The following R3HDM2 variants were observed in gnomAD, a reference collection of about 807,000 sequenced individuals.
The protein encoded by R3HDM2 is R3H domain containing 2, also known as R3H domain-containing protein 2.
A neutral mutation model predicts 124.5 loss-of-function variants in R3HDM2; 38 were observed. That is an observed-to-expected ratio of 0.31 (90% CI 0.24 to 0.40). R3HDM2 has a LOEUF of 0.40. R3HDM2 is among the 10% of genes least tolerant of loss of function. The pLI is 1.00. For missense variants in R3HDM2, 869 were observed against 1,236.9 expected (o/e 0.70, Z 4.46); for synonymous variants, 391 against 448.0 (o/e 0.87, Z 1.61).
rs972662854 is a variant in R3HDM2 at position 57,364,369 on chromosome 12, C to T, written c.-36+31380G>A. 5.3e-5 allele frequency among the ~76,000 whole-genome samples: 8 copies of T among 152,122 alleles called. No homozygotes were observed. The South Asian group carries it at 1.7e-3, about 32-fold the overall frequency. ...TTCACCACATTGGCCAGGCTGGTGT[C>T]AAACTCCTGACCTGAGGTGATCTGC... On this transcript the variant is annotated intron_variant, in intron 2 of 23. Coordinates refer to ENST00000402412, the MANE Select transcript of R3HDM2 (RefSeq NM_001394031.1).
chr12:57,385,423 T>C (rs1332841243), intron 2 of R3HDM2, among the ~76,000 whole-genome samples: 1 of 151,570 alleles, frequency 6.6e-6, no homozygotes, highest in Non-Finnish European at 1.5e-5. Context: ...TTTGTATTTT[T>C]AGTAGAGAGG....
chr12:57,392,656 C>T (rs2066876095), intron 2 of R3HDM2, among the ~76,000 whole-genome samples: 1 of 152,058 alleles, frequency 6.6e-6, no homozygotes, highest in Non-Finnish European at 1.5e-5. Flanking sequence ...TGCAATGGCG[C>T]GATCTCGGCT....
At chr12:57,294,620 T>A (rs1401616262) in intron 10 of R3HDM2, among the ~76,000 whole-genome samples, 9 of 152,172 alleles carry the variant, frequency 5.9e-5, no homozygotes, top group Non-Finnish European at 1.2e-4. Flanking sequence ...ATGTAGGCTC[T>A]ACTCAACCAC....
chr12:57,386,455 G>A (rs1285781004), intron 2 of R3HDM2, among the ~76,000 whole-genome samples: 2 of 152,252 alleles, frequency 1.3e-5, no homozygotes, highest in Admixed American at 1.3e-4. Flanking sequence ...TAGCACCTGG[G>A]CAAGCAGCTG....
chr12:57,299,516 T>C, intron 5 of R3HDM2, 38 bp from the exon 6 acceptor site: 1 of 1,526,194 alleles, frequency 6.6e-7, no homozygotes, highest in Non-Finnish European at 8.9e-7. Flanking sequence ...GGGAAAAAGA[T>C]TTTAACTTTC....
At position 57,256,488 on chromosome 12, in the gene R3HDM2, C is replaced by A. The variant is rs1202123808; in HGVS notation, c.2473G>T (p.Gly825Cys). ...AQGDGRYSLL[G>C]QPLQYNLSIC... is the part of the protein sequence containing the mutation. ...GACAGATTGTACTGTAATGGCTGGC[C>A]CAAAAGGGAGTAGCGCCCATCACCT... The change falls in exon 22 of 24, where the codon GGC (glycine) becomes TGC (cysteine). Residue 825 changes from glycine (G) to cysteine (C), a missense_variant. Physicochemically the swap from Gly to Cys is radical, Grantham distance 159. This residue lies in a region of R3HDM2 where 602 missense variants were observed against 789.2 expected (regional missense o/e 0.76). Transcript: ENST00000402412. 1.3e-6 allele frequency: 2 copies of A among 1,590,820 alleles called. No homozygotes were observed. The highest frequency in any genetic ancestry group is 1.7e-6 in the Non-Finnish European group (2 of 1,168,516).
intron 1 of R3HDM2, among the ~76,000 whole-genome samples, chr12:57,414,004 C>A (rs1403892017): frequency 2.0e-5 from 3 of 150,614 alleles, no homozygotes; most frequent in South Asian, 2.1e-4. Flanking sequence ...CACCACCATA[C>A]CCAGCTAAAT....
At chr12:57,310,631 C>A (rs11172154) in intron 2 of R3HDM2, among the ~76,000 whole-genome samples, 168 bp from the exon 3 acceptor site, 1 of 151,418 alleles carries the variant, frequency 6.6e-6, no homozygotes, top group Non-Finnish European at 1.5e-5. Context: ...AAAAAAAAAA[C>A]TTTATTGAGG....
chr12:57,395,072 T>C (rs1358832716), intron 2 of R3HDM2, among the ~76,000 whole-genome samples: 1 of 151,538 alleles, frequency 6.6e-6, no homozygotes, highest in Admixed American at 6.6e-5. Flanking sequence ...TAGCTGGGCA[T>C]GGTGGTGGGC....
At chr12:57,427,218 G>A (rs1402141022) in intron 1 of R3HDM2, among the ~76,000 whole-genome samples, 3 of 151,874 alleles carry the variant, frequency 2.0e-5, no homozygotes, top group Middle Eastern at 3.2e-3. Context: ...TTGAACCCGG[G>A]AGGTGGAGGT....
chr12:57,426,383 C>G (rs1010996676), intron 1 of R3HDM2, among the ~76,000 whole-genome samples: 5 of 152,160 alleles, frequency 3.3e-5, no homozygotes, highest in African/African-American at 4.8e-5. Flanking sequence ...ATCAAGTGTT[C>G]TCTAGAACTG....
In R3HDM2 at chr12:57,296,272, C is replaced by T. The variant is rs898163098; in HGVS notation, c.701+139G>A. 4.5e-5 allele frequency: 43 copies of T among 950,868 alleles called. No individual in the cohort carries two copies. The South Asian group carries it at 7.0e-4, about 16-fold the overall frequency. 58.9% of individuals were successfully genotyped at this position (950,868 alleles called of 1,614,324 possible). On this transcript the variant is annotated intron_variant, in intron 9 of 23. Transcript: ENST00000402412. This position sits in a 1 kb window ranked among gnomAD's most constrained non-coding sequence, Gnocchi z 4.5. The stretch of plus-strand genomic sequence containing the variant: ...GCTTCAAGCAGTCTTCCCATCTTGG[C>T]CTCCCAAAGTGCTGGGATTACAGGT...
At chr12:57,276,748 G>A (rs1309467650) in intron 14 of R3HDM2, among the ~76,000 whole-genome samples, 1 of 152,044 alleles carries the variant, frequency 6.6e-6, no homozygotes, top group Non-Finnish European at 1.5e-5. Flanking sequence ...TTAGCTGGGC[G>A]TGGTGGTGCG....
chr12:57,304,494 A>G, intron 3 of R3HDM2: 1 of 983,314 alleles, frequency 1.0e-6, no homozygotes, highest in Non-Finnish European at 1.2e-6. Flanking sequence ...TGGGTAGGTG[A>G]GGATTTCTCT....
At chr12:57,339,951 A>G (rs1450251977) in intron 2 of R3HDM2, among the ~76,000 whole-genome samples, 1 of 152,166 alleles carries the variant, frequency 6.6e-6, no homozygotes, top group Admixed American at 6.6e-5. Flanking sequence ...AAAAGTAGGG[A>G]GAAAAGGGGA....
intron 2 of R3HDM2, among the ~76,000 whole-genome samples, chr12:57,388,650 G>A (rs562630638): frequency 1.4e-3 from 212 of 152,218 alleles, no homozygotes; most frequent in African/African-American, 4.9e-3. Flanking sequence ...AGTTATTTGC[G>A]CAGGAGGGCT....
intron 3 of R3HDM2, among the ~76,000 whole-genome samples, chr12:57,303,501 T>C (rs1327411553): frequency 6.6e-6 from 1 of 150,628 alleles, no homozygotes; most frequent in African/African-American, 2.5e-5. Flanking sequence ...CCCAGCACTT[T>C]GGGAGGCCGA....
At chr12:57,341,291 CA>C in intron 2 of R3HDM2, 1 of 586,984 alleles carries the variant, frequency 1.7e-6, no homozygotes, top group Non-Finnish European at 2.1e-6. Flanking sequence ...AGGAAACAAA[CA>C]AAATTATAGC....
intron 1 of R3HDM2, among the ~76,000 whole-genome samples, chr12:57,410,339 A>G (rs992835858): frequency 4.0e-5 from 6 of 151,672 alleles, no homozygotes; most frequent in African/African-American, 1.5e-4. Context: ...AAAAAAAAAA[A>G]AAACTTCACA....
Sources: gnomAD v4.1 joint callset for allele counts (sites outside exome capture counted in the v4.1 genomes callset) on GRCh38, gnomAD v4.1.1 for gene constraint, gnomAD v4.1.1 regional missense constraint, Gnocchi (gnomAD v3.1) non-coding constraint, MANE v1.5 for transcripts, NCBI Gene and HGNC (gene_info 2026-07-23, HGNC 2026-07-21) for gene names.